Variants in PASK observed in about 807,000 individuals in gnomAD.
PASK encodes the protein PAS domain containing serine/threonine kinase, also known as PAS domain-containing serine/threonine-protein kinase.
A neutral mutation model predicts 121.0 loss-of-function variants in PASK; 110 were observed. That is an observed-to-expected ratio of 0.91 (90% CI 0.78 to 1.06). The LOEUF is 1.06. PASK is among the 50% of genes least tolerant of loss of function. The pLI is 0.00. For missense variants in PASK, 1,643 were observed against 1,702.3 expected (o/e 0.97, Z 0.61); for synonymous variants, 686 against 717.8 (o/e 0.96, Z 0.71).
intron 2 of PASK, 159 bp from the exon 3 acceptor site, chr2:241,140,912 G>A: frequency 3.0e-6 from 2 of 671,840 alleles, no homozygotes; most frequent in Non-Finnish European, 5.5e-6. Flanking sequence ...CTGCGTGTCT[G>A]AACATGGTCC....
At chr2:241,132,832 T>A in intron 9 of PASK, 42 bp downstream of exon 9, 1 of 1,528,200 alleles carries the variant, frequency 6.5e-7, no homozygotes, top group Non-Finnish European at 9.1e-7. Flanking sequence ...ACCATCTGTC[T>A]GGACTTTTAG....
Position 241,112,707 on chromosome 2 carries a change from G to C in PASK, c.3334-268C>G. 2.3e-6 allele frequency: 1 copy of C among 427,144 alleles called. No individual in the cohort carries two copies. The highest frequency in any genetic ancestry group is 7.0e-4 in the Middle Eastern group (1 of 1,434). The allele number at this position is 427,144 out of a possible 1,614,324, so 26.5% of individuals were successfully genotyped here. Reference sequence around the variant, plus strand: ...AGACTCGTGAGTTCTGTTTGCTGCTGAGAAAAGCTTCCCAGCAGACACTCG... The same window carrying C: ...AGACTCGTGAGTTCTGTTTGCTGCTCAGAAAAGCTTCCCAGCAGACACTCG... On this transcript the variant is annotated intron_variant, in intron 14 of 17. Transcript: ENST00000234040. The surrounding 1 kb of genome is among the most constrained non-coding windows in gnomAD (Gnocchi z 5.2).
chr2:241,146,663 T>C (rs1027690024), intron 1 of PASK, among the ~76,000 whole-genome samples: 15 of 152,210 alleles, frequency 9.9e-5, no homozygotes, highest in African/African-American at 3.6e-4. Flanking sequence ...TCCTTTGTCA[T>C]GAAATAATCT....
In PASK at chr2:241,115,263, GT is replaced by G. The variant is rs760751585; in HGVS notation, c.3198+24del. ...GACATTTGACATGAGCCAAGTTAGG[GT>G]ATCTCTGAAGAGGAAACCATCACCT... On this transcript the variant is annotated intron_variant, in intron 13 of 17. Coordinates refer to ENST00000234040, the MANE Select transcript of PASK (RefSeq NM_015148.4). 131 of 1,613,878 alleles carry G rather than the reference GT, an allele frequency of 8.1e-5. No homozygotes were observed. In the Middle Eastern group the frequency reaches 1.2e-3, roughly 14 times the overall value.
intron 3 of PASK, among the ~76,000 whole-genome samples, chr2:241,140,271 C>T (rs574539321): frequency 6.6e-6 from 1 of 152,186 alleles, no homozygotes; most frequent in South Asian, 2.1e-4. Context: ...TTCAAGTGAT[C>T]CTCCTGCCTC....
rs377528813 is a variant in PASK at position 241,140,643 on chromosome 2, C to T, written c.307G>A (p.Gly103Ser). 448 of 1,613,904 alleles carry T rather than the reference C, an allele frequency of 2.8e-4. No individual in the cohort carries two copies. Among genetic ancestry groups the T allele is most frequent in the Middle Eastern group, 1.5e-3 (9 of 6,082 alleles). The change falls in exon 3 of 18, where the codon GGC becomes AGC. Residue 103 changes from glycine to serine, a missense_variant. Physicochemically the swap from Gly to Ser is moderately conservative, Grantham distance 56 (BLOSUM62 0). Transcript: ENST00000234040. Reference sequence around the variant, plus strand: ...AGCAGGGAGCAGCAGGACACACTGCCCCGCGGTTCGGACGGGTCCGTGTGC... The same window carrying T: ...AGCAGGGAGCAGCAGGACACACTGCTCCGCGGTTCGGACGGGTCCGTGTGC... ...PEHTDPSEPR[G>S]SVSCCSLLRG...
intron 1 of PASK, among the ~76,000 whole-genome samples, chr2:241,144,033 T>C (rs1181338292): frequency 6.6e-6 from 1 of 152,246 alleles, no homozygotes; most frequent in Non-Finnish European, 1.5e-5. Context: ...GGAAACTGAC[T>C]TGATACCATC....
chr2:241,132,975 G>A lies in PASK; in HGVS notation c.1362C>T (p.Ile454=), dbSNP rs781392698. The A allele has an allele frequency of 6.2e-7, 1 of 1,613,912 alleles. No individual in the cohort carries two copies. Among genetic ancestry groups the A allele is most frequent in the South Asian group, 1.1e-5 (1 of 91,080 alleles). ...TGTCTTGGCTTTCCATCAGCTTCCG[G>A]ATCTCATCTCGGGGCACAACGTGGC... ...AGGHVVPRDE[I]RKLMESQDIF... is the part of the protein sequence containing the mutation. The change falls in exon 9 of 18, where the codon ATC becomes ATT. Residue 454 remains isoleucine, a synonymous_variant. Coordinates refer to ENST00000234040, the MANE Select transcript of PASK (RefSeq NM_015148.4).
rs372263691 is a variant in PASK at position 241,122,814 on chromosome 2, T to C, written c.2990A>G (p.Gln997Arg). The C allele has an allele frequency of 1.2e-4, 197 of 1,614,040 alleles. No homozygotes were observed. Among genetic ancestry groups the C allele is most frequent in the Non-Finnish European group, 1.6e-4 (188 of 1,179,964 alleles). ...CAGCGGGCTCATGGTACTGTACTTT[T>C]GGGAGTACTCGCCCTCACAGGCCGC... Reference protein sequence around the residue: ...GLAACEGEYSQKYSTMSPLGS... With the variant: ...GLAACEGEYSRKYSTMSPLGS... The change falls in exon 12 of 18, where the codon CAA becomes CGA. Residue 997 changes from glutamine to arginine, a missense_variant. Gln to Arg is a conservative substitution (Grantham distance 43). Around this residue, in one of 3 missense-constraint regions of PASK, gnomAD observed 453 missense variants for 511.2 expected, o/e 0.89. Transcript: ENST00000234040.
intron 1 of PASK, among the ~76,000 whole-genome samples, chr2:241,146,189 T>C (rs891174122): frequency 6.6e-6 from 1 of 152,186 alleles, no homozygotes; most frequent in Non-Finnish European, 1.5e-5. Flanking sequence ...ATCATGATGA[T>C]GTTATACCTA....
intron 10 of PASK, among the ~76,000 whole-genome samples, chr2:241,125,127 T>C (rs1274823779): frequency 6.7e-6 from 1 of 148,874 alleles, no homozygotes; most frequent in African/African-American, 2.5e-5. Context: ...AGTGAAACAC[T>C]GTCTCTACTA....
intron 12 of PASK, 146 bp downstream of exon 12, chr2:241,122,586 C>A (rs2065661780): frequency 1.3e-6 from 1 of 776,282 alleles, no homozygotes; most frequent in African/African-American, 1.7e-5. Flanking sequence ...CTCTTTGAAT[C>A]CGGAAACCGC....
chr2:241,139,590 A>C (rs1216601099), intron 4 of PASK: 1 of 646,112 alleles, frequency 1.5e-6, no homozygotes, highest in Non-Finnish European at 2.9e-6. Context: ...GGACTGCAAA[A>C]CATTAGTGAA....
At chr2:241,143,124 G>T in intron 1 of PASK, 50 bp from the exon 2 acceptor site, 3 of 984,556 alleles carry the variant, frequency 3.0e-6, no homozygotes, top group South Asian at 1.3e-5. Flanking sequence ...AAAACACAAA[G>T]ACAGTTTAAC....
Position 241,126,932 on chromosome 2 carries a change from C to A in PASK, c.1983G>T (p.Leu661Phe). 6.2e-7 allele frequency: 1 copy of A among 1,614,152 alleles called. No homozygotes were observed. The highest frequency in any genetic ancestry group is 1.1e-5 in the South Asian group (1 of 91,062). The change falls in exon 10 of 18, where the codon TTG (leucine) becomes TTT (phenylalanine). Residue 661 changes from leucine to phenylalanine, a missense_variant. Physicochemically the swap from Leu to Phe is conservative, Grantham distance 22. Transcript: ENST00000234040. ...ENDREELQTC[L>F]IKEQLSQLSL... ...TCAACTGGGACAGCTGCTCCTTAAT[C>A]AAGCAGGTCTGCAGCTCTTCTCGGT... is the stretch of plus-strand genomic sequence containing the variant.
In PASK at chr2:241,149,335, C is replaced by G. The variant is rs948398221; in HGVS notation, c.-43+79G>C. 1.6e-5 allele frequency: 4 copies of G among 252,626 alleles called. No homozygotes were observed. In the Admixed American group the frequency reaches 1.7e-4, roughly 10 times the overall value. 15.6% of individuals were successfully genotyped at this position (252,626 alleles called of 1,614,324 possible). ...GCGGCGGATCCTCCTGGGCCAGGGG[C>G]GCGGAGCCGCGCAGGCCCCACAGCC... On this transcript the variant is annotated intron_variant, in intron 1 of 17. Coordinates refer to ENST00000234040, the MANE Select transcript of PASK (RefSeq NM_015148.4).
chr2:241,125,825 G>C (rs2065832473), intron 10 of PASK, among the ~76,000 whole-genome samples: 1 of 152,068 alleles, frequency 6.6e-6, no homozygotes, highest in Non-Finnish European at 1.5e-5. Flanking sequence ...ACTGAGGTGG[G>C]GGCTGGTGGG....
chr2:241,109,461 G>A (rs895564156), intron 15 of PASK: 1 of 151,988 alleles, frequency 6.6e-6, no homozygotes, highest in African/African-American at 2.4e-5. Context: ...AATTAGACAA[G>A]GGAGCCAAGA....
In PASK at chr2:241,115,137, A is replaced by C. The variant is rs755304659; in HGVS notation, c.3239T>G (p.Val1080Gly). ...IFENQGFFQL[V>G]MEKHGSGLDL... The stretch of plus-strand genomic sequence containing the variant: ...TAGGCCGGAGCCGTGCTTCTCCATC[A>C]CAAGCTGGAAGAACCCTTGGTTTTC... The change falls in exon 14 of 18, where the codon GTG (valine) becomes GGG (glycine). Residue 1080 changes from valine (V) to glycine (G), a missense_variant. Val to Gly is a moderately radical substitution (Grantham distance 109, BLOSUM62 -3). Transcript: ENST00000234040. 1.4e-5 allele frequency: 22 copies of C among 1,613,982 alleles called. No individual in the cohort carries two copies. Among genetic ancestry groups the C allele is most frequent in the East Asian group, 2.2e-5 (1 of 44,898 alleles).
Sources: allele counts gnomAD v4.1 joint callset (sites outside exome capture counted in the v4.1 genomes callset), GRCh38; gene constraint gnomAD v4.1.1; regional missense constraint gnomAD v4.1.1; non-coding constraint Gnocchi (gnomAD v3.1); transcripts MANE v1.5; gene names NCBI Gene and HGNC (gene_info 2026-07-23, HGNC 2026-07-21).